Variants in STARD9 observed in about 807,000 individuals in gnomAD.
The protein encoded by STARD9 is stAR-related lipid transfer protein 9.
A neutral mutation model predicts 399.8 loss-of-function variants in STARD9; 346 were observed. That is an observed-to-expected ratio of 0.87 (90% CI 0.79 to 0.95). The LOEUF is 0.95. Among genes scored for constraint, STARD9 ranks in the 40% least tolerant of loss-of-function variants. The pLI is 0.00. For synonymous variants in STARD9, 2,203 were observed against 2,143.5 expected, an observed-to-expected ratio of 1.03 and a Z score of -0.77; for missense variants, 5,832 against 5,667.5, an observed-to-expected ratio of 1.03 and a Z score of -0.93.
intron 13 of STARD9, 93 bp downstream of exon 13, chr15:42,664,010 C>T: frequency 1.2e-6 from 1 of 815,742 alleles, no homozygotes; most frequent in Non-Finnish European, 2.0e-6. Flanking sequence ...TTTGTACTCA[C>T]CTCAACTTTC....
rs141012846 is a variant in STARD9 at position 42,639,168 on chromosome 15, A to C, written c.559+356A>C. ...TTAAGCTGAGACCTGAAAGGAGTAT[A>C]GTCGTGTGAAGAATGACGTAACGTG... On this transcript the variant is annotated intron_variant, in intron 7 of 32. Coordinates refer to ENST00000290607, the MANE Select transcript of STARD9 (RefSeq NM_020759.3). Among the ~76,000 whole-genome samples, 348 of 152,370 alleles carry C rather than the reference A, an allele frequency of 2.3e-3. 2 individuals are homozygous for C. The highest frequency in any genetic ancestry group is 7.8e-3 in the African/African-American group (326 of 41,602).
intron 26 of STARD9, among the ~76,000 whole-genome samples, chr15:42,701,971 T>C (rs4334272): frequency 0.066 from 8,222 of 125,402 alleles, 549 homozygotes; most frequent in African/African-American, 0.2. Flanking sequence ...CCAGTGCAGG[T>C]GACAGTGTGA....
At chr15:42,632,289 C>T (rs1223663364) in intron 3 of STARD9, among the ~76,000 whole-genome samples, 1 of 152,006 alleles carries the variant, frequency 6.6e-6, no homozygotes, top group Non-Finnish European at 1.5e-5. Flanking sequence ...CATGGGTTAT[C>T]TTTTTCTCTC....
rs867570031 is a variant in STARD9 at position 42,716,722 on chromosome 15, G to A, written c.13330G>A (p.Glu4444Lys). 21 of 1,537,024 alleles carry A rather than the reference G, an allele frequency of 1.4e-5. No individual in the cohort carries two copies. In the African/African-American group the frequency reaches 1.9e-4, roughly 14 times the overall value. ...PDSRDVWIGDERGGHSAVRKN... is the reference protein window; with the variant it reads ...PDSRDVWIGDKRGGHSAVRKN... ...TTCCAGGGATGTATGGATAGGGGAT[G>A]AGCGAGGAGGCCATTCTGCAGTGAG... The change falls in exon 27 of 33, where the codon GAG (glutamate) becomes AAG (lysine). Residue 4444 changes from glutamate to lysine, a missense_variant. This residue lies in a region of STARD9 where 5,828 missense variants were observed against 5,651.1 expected (regional missense o/e 1.03). Transcript: ENST00000290607.
chr15:42,692,140 A>G lies in STARD9; in HGVS notation c.10562A>G (p.Gln3521Arg). 2.0e-6 allele frequency: 3 copies of G among 1,537,174 alleles called. No homozygotes were observed. The highest frequency in any genetic ancestry group is 2.6e-6 in the Non-Finnish European group (3 of 1,146,894). The change falls in exon 23 of 33, where the codon CAG becomes CGG. Residue 3521 changes from glutamine to arginine, a missense_variant. By Grantham distance (43) the Gln-to-Arg change is conservative. Transcript: ENST00000290607. Reference protein sequence around the residue: ...CSSMDNGLEDQNSPFHSHLST... With the variant: ...CSSMDNGLEDRNSPFHSHLST... ...AGCATGGACAATGGCCTAGAAGACC[A>G]GAACTCCCCTTTCCACTCCCACCTC...
At position 42,663,824 on chromosome 15, in the gene STARD9, G is replaced by A. The variant is rs2140105450; in HGVS notation, c.1083G>A (p.Val361=). 2 of 1,535,854 alleles carry A rather than the reference G, an allele frequency of 1.3e-6. No homozygotes were observed. Among genetic ancestry groups the A allele is most frequent in the East Asian group, 2.4e-5 (1 of 40,914 alleles). ...AACTTTCTCCTTCTACCTCAGCGGT[G>A]TCTCCTGCACACACTAGCTACAGTG... ...GNSKTIMVAT[V]SPAHTSYSET... is the part of the protein sequence containing the mutation. Residue 361 remains valine (V), a synonymous_variant, in exon 13 of 33, where the codon GTG becomes GTA. Transcript: ENST00000290607.
In STARD9 at chr15:42,718,502, G is replaced by A; in HGVS notation, c.13830G>A (p.Val4610=). 1 of 1,537,190 alleles carries A rather than the reference G, an allele frequency of 6.5e-7. No individual in the cohort carries two copies. The highest frequency in any genetic ancestry group is 1.2e-5 in the South Asian group (1 of 84,058). The change falls in exon 31 of 33, where the codon GTG becomes GTA. Residue 4610 remains valine, a synonymous_variant. Transcript: ENST00000290607. ...CACGGGATTTCTGTTGTGTCTGCGTGGAAGCCAAAGAGGTGCCTGCCTTGG... is the reference window on the plus strand; with the variant it reads ...CACGGGATTTCTGTTGTGTCTGCGTAGAAGCCAAAGAGGTGCCTGCCTTGG... ...KQPRDFCCVC[V]EAKEGHLSVM... is the part of the protein sequence containing the mutation.
At chr15:42,626,538 T>C (rs2059227542) in intron 3 of STARD9, among the ~76,000 whole-genome samples, 1 of 151,682 alleles carries the variant, frequency 6.6e-6, no homozygotes, top group African/African-American at 2.4e-5. Context: ...TTCATTCTTG[T>C]TGCCCAGGCT....
intron 1 of STARD9, among the ~76,000 whole-genome samples, chr15:42,579,881 T>C (rs1449472910): frequency 6.6e-6 from 1 of 152,204 alleles, no homozygotes; most frequent in Non-Finnish European, 1.5e-5. Flanking sequence ...TTCTTAGGCA[T>C]TATCTGACAC....
rs116704165 is a variant in STARD9 at position 42,712,000 on chromosome 15, G to A, written c.13285-4677G>A. On this transcript the variant is annotated intron_variant, in intron 26 of 32. Coordinates refer to ENST00000290607, the MANE Select transcript of STARD9 (RefSeq NM_020759.3). ...TTGATTATAGCTGTCCTAGTGGATC[G>A]GAAGTAGTACCTTATGTGGCTTCAG... is the stretch of plus-strand genomic sequence containing the variant. Among the ~76,000 whole-genome samples, 428 of 126,692 alleles carry A rather than the reference G, an allele frequency of 3.4e-3. 3 individuals are homozygous for A. Among genetic ancestry groups the A allele is most frequent in the African/African-American group, 0.013 (413 of 32,492 alleles). The allele number at this position is 126,692 out of a possible 152,430, so 83.1% of individuals were successfully genotyped here.
chr15:42,686,315 T>G lies in STARD9; in HGVS notation c.4737T>G (p.Thr1579=). 1 of 1,537,508 alleles carries G rather than the reference T, an allele frequency of 6.5e-7. No homozygotes were observed. Among genetic ancestry groups the G allele is most frequent in the Non-Finnish European group, 8.7e-7 (1 of 1,146,934 alleles). ...KLEGVSDFFS[T]SEKEASYDET... Reference sequence around the variant, plus strand: ...AAGGTGTTTCAGATTTCTTTAGCACTAGTGAGAAAGAGGCGAGTTATGACG... The same window carrying G: ...AAGGTGTTTCAGATTTCTTTAGCACGAGTGAGAAAGAGGCGAGTTATGACG... Residue 1579 remains threonine (T), a synonymous_variant, in exon 23 of 33, where the codon ACT becomes ACG. Coordinates refer to ENST00000290607, the MANE Select transcript of STARD9 (RefSeq NM_020759.3).
intron 7 of STARD9, among the ~76,000 whole-genome samples, chr15:42,641,609 CTT>C (rs71431856): frequency 1.4e-4 from 20 of 140,634 alleles, no homozygotes; most frequent in African/African-American, 2.1e-4. Context: ...TTTTTCTTTT[CTT>C]TTTTTTTTTT....
At chr15:42,625,025 C>T (rs934166791) in intron 3 of STARD9, among the ~76,000 whole-genome samples, 1 of 151,974 alleles carries the variant, frequency 6.6e-6, no homozygotes, top group Non-Finnish European at 1.5e-5. Context: ...ACATCATAGA[C>T]ATTTAAAGCT....
At chr15:42,703,530 A>ATTTT (rs35809542) in intron 26 of STARD9, among the ~76,000 whole-genome samples, 1 of 135,174 alleles carries the variant, frequency 7.4e-6, no homozygotes. Flanking sequence ...TGCCTGGCTG[A>ATTTT]TTTTTTTTTT....
intron 16 of STARD9, chr15:42,672,577 A>G (rs1207968761): frequency 2.0e-5 from 3 of 152,294 alleles, no homozygotes; most frequent in African/African-American, 7.2e-5. Context: ...TGTGGAGGCT[A>G]GCATCTGTTG....
At chr15:42,626,321 TTCC>T (rs148104658) in intron 3 of STARD9, among the ~76,000 whole-genome samples, 43 of 95,740 alleles carry the variant, frequency 4.5e-4, no homozygotes, top group African/African-American at 2.5e-3. Context: ...CTTCCTCTTC[TTCC>T]TCCTCTTCCT....
rs749651219 is a variant in STARD9, at chr15:42,718,156, G to A, written c.13739G>A (p.Arg4580Gln). ...ATCCAGACAGCAAGGCTGCATCAGC[G>A]AGTGACCAACAGCATCAGCCTGGGT... is the stretch of plus-strand genomic sequence containing the variant. Reference protein sequence around the residue: ...KPIQTARLHQRVTNSISLVYL... With the variant: ...KPIQTARLHQQVTNSISLVYL... Residue 4580 changes from arginine to glutamine, a missense_variant, in exon 30 of 33, where the codon CGA (arginine) becomes CAA (glutamine). Physicochemically the swap from Arg to Gln is conservative, Grantham distance 43 (BLOSUM62 1). Transcript: ENST00000290607. 119 of 1,536,894 alleles carry A rather than the reference G, an allele frequency of 7.7e-5. 1 individual carries two copies. The highest frequency in any genetic ancestry group is 8.3e-5 in the South Asian group (7 of 84,042).
chr15:42,591,261 G>GT (rs930451765), intron 3 of STARD9, among the ~76,000 whole-genome samples: 1 of 152,182 alleles, frequency 6.6e-6, no homozygotes, highest in Non-Finnish European at 1.5e-5. Flanking sequence ...GCCAAGGCGG[G>GT]TGGATCACCT....
chr15:42,689,931 G>T lies in STARD9; in HGVS notation c.8353G>T (p.Glu2785Ter). The T allele has an allele frequency of 1.3e-6, 2 of 1,537,688 alleles. No individual in the cohort carries two copies. Among genetic ancestry groups the T allele is most frequent in the Non-Finnish European group, 1.7e-6 (2 of 1,147,018 alleles). The stretch of plus-strand genomic sequence containing the variant: ...TCAGGACAGCAGCCCAGAGCATCAG[G>T]AACCCAGAACTCTAGACACCACATA... ...GSQDSSPEHQEPRTLDTTYGE... is the reference protein window; with the variant it reads ...GSQDSSPEHQ Residue 2785 changes from glutamate (E) to a stop codon, truncating the protein, a stop_gained, in exon 23 of 33, where the codon GAA becomes TAA. Transcript: ENST00000290607. LOFTEE classifies it high-confidence loss of function.
Sources: allele counts gnomAD v4.1 joint callset (sites outside exome capture counted in the v4.1 genomes callset), GRCh38; gene constraint gnomAD v4.1.1; regional missense constraint gnomAD v4.1.1; transcripts MANE v1.5; gene names NCBI Gene and HGNC (gene_info 2026-07-23, HGNC 2026-07-21).